The following LRRC7 variants were observed in gnomAD, a reference collection of about 807,000 sequenced individuals.
LRRC7 encodes the protein leucine rich repeat containing 7, also known as leucine-rich repeat-containing protein 7.
In LRRC7, 23 loss-of-function variants were observed where a neutral mutation model predicts 175.7. The ratio of observed to expected loss-of-function variants is 0.13; its 90% CI spans 0.09 to 0.19. LRRC7 has a LOEUF of 0.19. LRRC7 is among the 10% of genes least tolerant of loss of function. The pLI is 1.00. For synonymous variants in LRRC7, 685 were observed against 680.9 expected, an observed-to-expected ratio of 1.01 and a Z score of -0.09; for missense variants, 1,354 against 1,904.7, an observed-to-expected ratio of 0.71 and a Z score of 5.38.
chr1:69,857,276 G>T (rs537282273), intron 7 of LRRC7, among the ~76,000 whole-genome samples: 8 of 152,142 alleles, frequency 5.3e-5, no homozygotes, highest in African/African-American at 1.4e-4. Context: ...CAATCAGGCA[G>T]GAGAAAGAAA....
intron 8 of LRRC7, among the ~76,000 whole-genome samples, chr1:69,973,204 A>G (rs745671642): frequency 2.6e-4 from 40 of 151,864 alleles, no homozygotes; most frequent in Non-Finnish European, 4.9e-4. Flanking sequence ...CAAACATCGT[A>G]TGTTGTCACT....
At chr1:70,064,286 G>T (rs2102093704) in intron 23 of LRRC7, among the ~76,000 whole-genome samples, 1 of 152,054 alleles carries the variant, frequency 6.6e-6, no homozygotes, top group Non-Finnish European at 1.5e-5. Context: ...GGATGAAAAG[G>T]TTCAGCTTAA....
intron 1 of LRRC7, among the ~76,000 whole-genome samples, chr1:69,605,607 C>T (rs1647419320): frequency 6.6e-6 from 1 of 152,144 alleles, no homozygotes; most frequent in Non-Finnish European, 1.5e-5. Context: ...ATTGATGCTA[C>T]TGGGTAAGTG....
At position 70,077,031 on chromosome 1, in the gene LRRC7, CAGAT is replaced by C. The variant is rs1209500651; in HGVS notation, c.4452+740_4452+743del. ...AATTAATTTCTCTTATTTCATTATT[CAGAT>C]AGATAGGCAACATTCCTACTGACTT... On this transcript the variant is annotated intron_variant, in intron 24 of 26. Coordinates refer to ENST00000651989, the MANE Select transcript of LRRC7 (RefSeq NM_001370785.2). Among the ~76,000 whole-genome samples, 5 of 152,186 alleles carry C rather than the reference CAGAT, an allele frequency of 3.3e-5. No individual in the cohort carries two copies. The South Asian group carries it at 6.2e-4, about 19-fold the overall frequency.
At chr1:69,989,438 T>G (rs942117410) in intron 10 of LRRC7, among the ~76,000 whole-genome samples, 8 of 152,138 alleles carry the variant, frequency 5.3e-5, no homozygotes, top group Non-Finnish European at 8.8e-5. Flanking sequence ...AATACCACAT[T>G]AGGTATGAAA....
chr1:69,711,465 A>G (rs919227284), intron 2 of LRRC7, among the ~76,000 whole-genome samples: 4 of 152,198 alleles, frequency 2.6e-5, no homozygotes, highest in African/African-American at 7.2e-5. Context: ...CATCCTTGAC[A>G]TTTCAAATCC....
intron 3 of LRRC7, among the ~76,000 whole-genome samples, chr1:69,778,483 T>C (rs1351804894): frequency 6.6e-6 from 1 of 152,200 alleles, no homozygotes; most frequent in Non-Finnish European, 1.5e-5. Flanking sequence ...GTTATAGAAA[T>C]ATATATGCAA....
rs1459682346 is a variant in LRRC7, at chr1:70,142,695, TAC to T, written c.*20810_*20811del. Reference sequence around the variant, plus strand: ...TACTGTTGCTTATTGAAAGTAATAATACAGTTTTATTTTTTCCACTTTATAAC... The same window carrying T: ...TACTGTTGCTTATTGAAAGTAATAATAGTTTTATTTTTTCCACTTTATAAC... On this transcript the variant is annotated 3_prime_UTR_variant, in exon 27 of 27. Transcript: ENST00000651989. 2.0e-5 allele frequency: 3 copies of T among 151,938 alleles called. No homozygotes were observed. The highest frequency in any genetic ancestry group is 4.4e-5 in the Non-Finnish European group (3 of 67,950). The allele number at this position is 151,938 out of a possible 1,614,324, so 9.4% of individuals were successfully genotyped here. A position where few individuals can be genotyped will look rare whatever the true frequency, so the allele number is the denominator to read the frequency against.
chr1:69,813,746 AGTGAACTTGTGG>A (rs1339918614), intron 4 of LRRC7, among the ~76,000 whole-genome samples: 1 of 152,150 alleles, frequency 6.6e-6, no homozygotes, highest in Non-Finnish European at 1.5e-5. Context: ...AATCAAAAGA[AGTGAACTTGTGG>A]GTTCCCTTAG....
At chr1:70,045,313 C>T (rs186892924) in intron 22 of LRRC7, among the ~76,000 whole-genome samples, 19 of 152,218 alleles carry the variant, frequency 1.2e-4, no homozygotes, top group Admixed American at 1.1e-3. Context: ...CTGCCAATGT[C>T]AGCAATATAA....
At chr1:69,596,305 T>C (rs561235592) in intron 1 of LRRC7, among the ~76,000 whole-genome samples, 167 of 152,300 alleles carry the variant, frequency 1.1e-3, no homozygotes, top group Non-Finnish European at 2.1e-3. Context: ...TACTAAGTGA[T>C]TAAACCGGAA....
At chr1:69,596,983 A>G (rs1159764927) in intron 1 of LRRC7, among the ~76,000 whole-genome samples, 1 of 152,202 alleles carries the variant, frequency 6.6e-6, no homozygotes, top group Non-Finnish European at 1.5e-5. Flanking sequence ...AGAATGATTA[A>G]CTTCAGATAT....
chr1:69,802,824 C>T (rs1042345686), intron 4 of LRRC7, among the ~76,000 whole-genome samples: 7 of 151,194 alleles, frequency 4.6e-5, no homozygotes, highest in African/African-American at 1.7e-4. Context: ...CTCTTTATTG[C>T]ATAATTTTAC....
chr1:69,737,053 G>A (rs1242886131), intron 2 of LRRC7, among the ~76,000 whole-genome samples: 1 of 152,008 alleles, frequency 6.6e-6, no homozygotes, highest in African/African-American at 2.4e-5. Flanking sequence ...TTTACATATA[G>A]CCCAAATTAT....
rs529495463 is a variant in LRRC7 at position 69,610,132 on chromosome 1, G to T, written c.2+41491G>T. Among the ~76,000 whole-genome samples the T allele has an allele frequency of 7.9e-5, 12 of 151,990 alleles. No individual in the cohort carries two copies. The South Asian group carries it at 2.3e-3, about 29-fold the overall frequency. On this transcript the variant is annotated intron_variant, in intron 1 of 26. Coordinates refer to ENST00000651989, the MANE Select transcript of LRRC7 (RefSeq NM_001370785.2). ...ACAGATAAGAACCAAACTCTATAAT[G>T]GGTTCTTGTCTCTTTCTTTCTTGCA...
intron 21 of LRRC7, among the ~76,000 whole-genome samples, chr1:70,040,642 C>T (rs911261911): frequency 2.1e-4 from 32 of 152,126 alleles, no homozygotes; most frequent in Admixed American, 1.3e-4. Context: ...AAAACCCCAT[C>T]TCTACTTAAA....
At chr1:69,956,480 C>G (rs939986043) in intron 8 of LRRC7, among the ~76,000 whole-genome samples, 1 of 151,608 alleles carries the variant, frequency 6.6e-6, no homozygotes, top group African/African-American at 2.4e-5. Context: ...ATTTTAAGTT[C>G]TGAGTAAGTT....
intron 3 of LRRC7, among the ~76,000 whole-genome samples, chr1:69,784,128 A>T (rs1414231953): frequency 1.3e-5 from 2 of 152,226 alleles, no homozygotes; most frequent in African/African-American, 2.4e-5. Context: ...GAAAAAGGAA[A>T]GTTGCAGGTG....
chr1:69,841,389 TG>T (rs530098200), intron 7 of LRRC7, among the ~76,000 whole-genome samples: 114 of 152,182 alleles, frequency 7.5e-4, no homozygotes, highest in African/African-American at 2.5e-3. Context: ...AGACCAAATC[TG>T]GACCATTTCT....
Sources: allele counts gnomAD v4.1 joint callset (sites outside exome capture counted in the v4.1 genomes callset), GRCh38; gene constraint gnomAD v4.1.1; transcripts MANE v1.5; gene names NCBI Gene and HGNC (gene_info 2026-07-23, HGNC 2026-07-21).